The following PTPRG variants were observed in gnomAD, a reference collection of about 807,000 sequenced individuals.
The protein encoded by PTPRG is protein tyrosine phosphatase receptor type G.
Under a neutral mutation model 165.3 loss-of-function variants are expected in PTPRG, and 102 were observed. The observed-to-expected ratio is 0.62, with a 90% CI of 0.53 to 0.73. The LOEUF (loss-of-function observed/expected upper bound fraction) is 0.73, where lower values mean the gene tolerates loss of function less well. Among genes scored for constraint, PTPRG ranks in the 30% least tolerant of loss-of-function variants. PTPRG has a pLI of 0.00. For missense variants in PTPRG, 1,866 were observed against 1,861.4 expected, an observed-to-expected ratio of 1.00 and a Z score of -0.05; for synonymous variants, 675 against 669.5, an observed-to-expected ratio of 1.01 and a Z score of -0.13.
intron 1 of PTPRG, among the ~76,000 whole-genome samples, chr3:61,670,268 T>C (rs1702934074): frequency 6.6e-6 from 1 of 152,184 alleles, no homozygotes; most frequent in Non-Finnish European, 1.5e-5. Context: ...GGTTGACTTA[T>C]CCCGAAAAAT....
At chr3:62,212,816 C>A (rs1053504308) in intron 12 of PTPRG, among the ~76,000 whole-genome samples, 1 of 152,152 alleles carries the variant, frequency 6.6e-6, no homozygotes, top group Non-Finnish European at 1.5e-5. Context: ...TGATTTTTAT[C>A]TGAATTCCTT....
chr3:61,630,280 C>T (rs779649482), intron 1 of PTPRG, among the ~76,000 whole-genome samples: 15 of 152,178 alleles, frequency 9.9e-5, no homozygotes, highest in Non-Finnish European at 1.6e-4. Context: ...AAGGTGTTGT[C>T]ATGAAATTCC....
intron 3 of PTPRG, among the ~76,000 whole-genome samples, chr3:61,996,155 T>C (rs181878033): frequency 3.9e-4 from 59 of 152,306 alleles, no homozygotes; most frequent in Non-Finnish European, 3.1e-4. Flanking sequence ...GATTTTGATA[T>C]TGACAATAAT....
At chr3:61,602,266 C>T (rs1700889860) in intron 1 of PTPRG, among the ~76,000 whole-genome samples, 2 of 151,930 alleles carry the variant, frequency 1.3e-5, no homozygotes, top group South Asian at 2.1e-4. Context: ...CACAGTGTCT[C>T]GTTCATAGCT....
chr3:61,777,377 A>G (rs1441042822), intron 2 of PTPRG, among the ~76,000 whole-genome samples: 1 of 152,230 alleles, frequency 6.6e-6, no homozygotes, highest in Non-Finnish European at 1.5e-5. Context: ...ATTGTACAGC[A>G]AAGGCAGAGA....
At chr3:62,221,394 A>C (rs564985529) in intron 13 of PTPRG, among the ~76,000 whole-genome samples, 2 of 152,320 alleles carry the variant, frequency 1.3e-5, no homozygotes, top group African/African-American at 2.4e-5. Flanking sequence ...AAGGAAAGTA[A>C]AATTAAATTA....
chr3:61,712,896 T>A (rs375863401), intron 1 of PTPRG, among the ~76,000 whole-genome samples: 2 of 152,290 alleles, frequency 1.3e-5, no homozygotes, highest in East Asian at 3.9e-4. Flanking sequence ...TGTTGACATT[T>A]TTTGAGTCAG....
intron 1 of PTPRG, among the ~76,000 whole-genome samples, chr3:61,682,816 A>C (rs1703497095): frequency 6.6e-6 from 1 of 152,242 alleles, no homozygotes; most frequent in Non-Finnish European, 1.5e-5. Context: ...CAAATGAGGA[A>C]TAAACAGCAG....
intron 4 of PTPRG, among the ~76,000 whole-genome samples, chr3:62,036,983 GCACA>G (rs10587372): frequency 0.12 from 18,677 of 150,502 alleles, 1,571 homozygotes; most frequent in Admixed American, 0.29. Flanking sequence ...GCGCGCGCAC[GCACA>G]CACACACACA....
intron 15 of PTPRG, among the ~76,000 whole-genome samples, chr3:62,253,071 G>A (rs1701457628): frequency 6.6e-6 from 1 of 152,116 alleles, no homozygotes; most frequent in Non-Finnish European, 1.5e-5. Context: ...ACATTAGCTT[G>A]GATATTACAG....
At chr3:61,952,095 C>T (rs763506947) in intron 2 of PTPRG, among the ~76,000 whole-genome samples, 10 of 126,144 alleles carry the variant, frequency 7.9e-5, no homozygotes, top group Non-Finnish European at 1.3e-4. Flanking sequence ...TGCAGCCTGG[C>T]GACAGATCGA....
chr3:62,044,518 G>A (rs1700226778), intron 4 of PTPRG, among the ~76,000 whole-genome samples: 2 of 151,234 alleles, frequency 1.3e-5, no homozygotes, highest in South Asian at 4.2e-4. Context: ...CAGCCTGGGT[G>A]ACAGAGCCAG....
At chr3:62,000,346 T>G (rs2041143930) in intron 3 of PTPRG, among the ~76,000 whole-genome samples, 1 of 151,962 alleles carries the variant, frequency 6.6e-6, no homozygotes, top group African/African-American at 2.4e-5. Flanking sequence ...TATTGCTGTT[T>G]CTGCCTGTAT....
At chr3:62,110,717 A>T (rs1702639182) in intron 5 of PTPRG, among the ~76,000 whole-genome samples, 1 of 152,194 alleles carries the variant, frequency 6.6e-6, no homozygotes, top group African/African-American at 2.4e-5. Flanking sequence ...TGTTCTATAC[A>T]ATCCGTTCAC....
chr3:61,690,724 C>T (rs993910243), intron 1 of PTPRG, among the ~76,000 whole-genome samples: 3 of 152,146 alleles, frequency 2.0e-5, no homozygotes, highest in Non-Finnish European at 4.4e-5. Flanking sequence ...GTAGTGACTC[C>T]TCTTCTCTTT....
At chr3:61,934,676 A>G (rs1178856477) in intron 2 of PTPRG, among the ~76,000 whole-genome samples, 3 of 151,948 alleles carry the variant, frequency 2.0e-5, no homozygotes, top group African/African-American at 7.3e-5. Context: ...CCCTTTTAAG[A>G]GTGTGTGCTG....
At chr3:61,981,574 G>A (rs2040645109) in intron 2 of PTPRG, among the ~76,000 whole-genome samples, 1 of 152,142 alleles carries the variant, frequency 6.6e-6, no homozygotes, top group South Asian at 2.1e-4. Context: ...AATTACTGTT[G>A]GACATGCTGT....
chr3:62,060,916 T>C (rs1461496943), intron 4 of PTPRG, among the ~76,000 whole-genome samples: 1 of 152,216 alleles, frequency 6.6e-6, no homozygotes, highest in African/African-American at 2.4e-5. Context: ...GCATATCAGA[T>C]ACAGAATCAA....
chr3:61,690,274 G>A (rs1050625675), intron 1 of PTPRG, among the ~76,000 whole-genome samples: 1 of 152,194 alleles, frequency 6.6e-6, no homozygotes, highest in Admixed American at 6.5e-5. Context: ...AGGCCACTAA[G>A]CCCAGGAAGG....
Sources: allele counts gnomAD v4.1 joint callset (sites outside exome capture counted in the v4.1 genomes callset), GRCh38; gene constraint gnomAD v4.1.1; transcripts MANE v1.5; gene names NCBI Gene and HGNC (gene_info 2026-07-23, HGNC 2026-07-21).